TMEM50A: variants seen among roughly 807,000 people sequenced by gnomAD.
TMEM50A encodes the protein cervical cancer oncogene 9.
A neutral mutation model predicts 23.9 loss-of-function variants in TMEM50A; 8 were observed. That is an observed-to-expected ratio of 0.33 (90% CI 0.20 to 0.60). The LOEUF is 0.60. Among genes scored for constraint, TMEM50A ranks in the 20% least tolerant of loss-of-function variants. TMEM50A has a pLI of 0.81. For synonymous variants in TMEM50A, 55 were observed against 60.4 expected (o/e 0.91, Z 0.41); for missense variants, 178 against 192.7 (o/e 0.92, Z 0.45).
intron 5 of TMEM50A, among the ~76,000 whole-genome samples, chr1:25,355,973 T>G (rs1645329742): frequency 6.6e-6 from 1 of 152,202 alleles, no homozygotes; most frequent in Admixed American, 6.5e-5. Context: ...TCATGTTGAC[T>G]GTGCTGTAAA....
At chr1:25,342,279 G>C (rs1397507049) in intron 2 of TMEM50A, among the ~76,000 whole-genome samples, 1 of 152,152 alleles carries the variant, frequency 6.6e-6, no homozygotes, top group Non-Finnish European at 1.5e-5. Context: ...TAGGCTACTT[G>C]TCAGAATTTG....
chr1:25,348,128 G>A (rs926530915), intron 3 of TMEM50A, among the ~76,000 whole-genome samples: 17 of 152,150 alleles, frequency 1.1e-4, no homozygotes. Context: ...AATTATAGCA[G>A]AGCTGACTTC....
At chr1:25,360,274 G>A (rs528917167) in intron 6 of TMEM50A, among the ~76,000 whole-genome samples, 3 of 151,726 alleles carry the variant, frequency 2.0e-5, no homozygotes, top group South Asian at 2.1e-4. Context: ...GCATGAACCC[G>A]GGAGGCAGAG....
rs1328765971 is a variant in TMEM50A, at chr1:25,362,232, ATCT to A, written c.*1529_*1531del. On this transcript the variant is annotated 3_prime_UTR_variant, in exon 7 of 7. Transcript: ENST00000374358. ...CATGCTTTATTAAGCATGAGAAAGA[ATCT>A]TAAGAATTGTCAATAAAATTAACCC... 26 of 584,740 alleles carry A rather than the reference ATCT, an allele frequency of 4.4e-5. No homozygotes were observed. The highest frequency in any genetic ancestry group is 7.7e-5 in the Non-Finnish European group (26 of 338,734). The allele number at this position is 584,740 out of a possible 1,614,324, so 36.2% of individuals were successfully genotyped here.
intron 3 of TMEM50A, among the ~76,000 whole-genome samples, chr1:25,344,001 C>T (rs955161998): frequency 6.6e-6 from 1 of 152,118 alleles, no homozygotes; most frequent in Non-Finnish European, 1.5e-5. Flanking sequence ...AATTCCAGCA[C>T]TTTGGGATAC....
In TMEM50A at chr1:25,351,953, TAGGC is replaced by T. The variant is rs555285342; in HGVS notation, c.274+263_274+266del. ...AAAGAGGCCCTATCAGAATTCATTT[TAGGC>T]AGTCATGACTCCATTTATTTATAGC... On this transcript the variant is annotated intron_variant, in intron 4 of 6. Transcript: ENST00000374358. Among the ~76,000 whole-genome samples the T allele has an allele frequency of 7.9e-5, 12 of 152,366 alleles. No homozygotes were observed. In the South Asian group the frequency reaches 2.1e-3, roughly 26 times the overall value.
rs1645416134 is a variant in TMEM50A at position 25,362,115 on chromosome 1, A to G, written c.*1410A>G. The stretch of plus-strand genomic sequence containing the variant: ...CTTGTAAAACTGCTGGGAGAAAAGC[A>G]TGATTCCCACAAGGACTAAGTATCA... On this transcript the variant is annotated 3_prime_UTR_variant, in exon 7 of 7. Coordinates refer to ENST00000374358, the MANE Select transcript of TMEM50A (RefSeq NM_014313.4). The G allele has an allele frequency of 6.2e-6, 2 of 321,158 alleles. No homozygotes were observed. Among genetic ancestry groups the G allele is most frequent in the South Asian group, 6.0e-5 (2 of 33,456 alleles). 19.9% of individuals were successfully genotyped at this position (321,158 alleles called of 1,614,324 possible).
intron 6 of TMEM50A, among the ~76,000 whole-genome samples, chr1:25,360,385 A>G (rs1462375878): frequency 1.3e-5 from 2 of 152,108 alleles, no homozygotes; most frequent in East Asian, 3.8e-4. Flanking sequence ...TAATGGTTAC[A>G]TAGTAAACAC....
intron 5 of TMEM50A, among the ~76,000 whole-genome samples, chr1:25,354,090 C>G (rs1455750132): frequency 6.6e-6 from 1 of 152,106 alleles, no homozygotes; most frequent in Non-Finnish European, 1.5e-5. Context: ...CTCCCAGGCT[C>G]AAGCAATCCT....
At chr1:25,360,132 G>C (rs1362515886) in intron 6 of TMEM50A, among the ~76,000 whole-genome samples, 1 of 152,108 alleles carries the variant, frequency 6.6e-6, no homozygotes. Context: ...GGCGGATCAC[G>C]AGGTCAGGAG....
chr1:25,353,610 A>AT (rs1420851375), intron 5 of TMEM50A, among the ~76,000 whole-genome samples: 1 of 152,230 alleles, frequency 6.6e-6, no homozygotes, highest in Non-Finnish European at 1.5e-5. Context: ...CCCTGGTAAT[A>AT]TGATGTCACC....
rs757789611 is a variant in TMEM50A, at chr1:25,351,707, A to G, written c.274+14A>G. On this transcript the variant is annotated intron_variant, in intron 4 of 6. Transcript: ENST00000374358. ...TGGGTCAAACAGGTAAATAGGTGCA[A>G]ACAGCATCTTATTATACATGCTTAA... is the stretch of plus-strand genomic sequence containing the variant. 3.1e-6 allele frequency: 5 copies of G among 1,607,220 alleles called. No individual in the cohort carries two copies. The highest frequency in any genetic ancestry group is 4.2e-6 in the Non-Finnish European group (5 of 1,177,032).
chr1:25,356,989 T>A, intron 6 of TMEM50A, 136 bp downstream of exon 6: 1 of 635,776 alleles, frequency 1.6e-6, no homozygotes, highest in Non-Finnish European at 2.6e-6. Context: ...ACATGGAGAG[T>A]AAGGTTGAGA....
chr1:25,343,199 TCA>T (rs1645182378), intron 3 of TMEM50A, 126 bp downstream of exon 3: 1 of 706,038 alleles, frequency 1.4e-6, no homozygotes, highest in Non-Finnish European at 2.3e-6. Flanking sequence ...GATTTAAAAG[TCA>T]CACAGTAGAG....
At chr1:25,355,317 CAAAA>C (rs904342252) in intron 5 of TMEM50A, among the ~76,000 whole-genome samples, 1 of 147,642 alleles carries the variant, frequency 6.8e-6, no homozygotes, top group Non-Finnish European at 1.5e-5. Flanking sequence ...AAAATCAAAA[CAAAA>C]AAAAAGGAAA....
At chr1:25,340,806 G>A (rs1219253723) in intron 2 of TMEM50A, among the ~76,000 whole-genome samples, 2 of 152,116 alleles carry the variant, frequency 1.3e-5, no homozygotes, top group African/African-American at 4.8e-5. Context: ...GGTAAAAATG[G>A]CATAATAAAA....
chr1:25,347,804 T>A (rs1274324378), intron 3 of TMEM50A, among the ~76,000 whole-genome samples: 1 of 152,242 alleles, frequency 6.6e-6, no homozygotes, highest in African/African-American at 2.4e-5. Flanking sequence ...GTCTTTTTCT[T>A]TGAAGTTCAG....
In TMEM50A at chr1:25,352,967, T is replaced by TG; in HGVS notation, c.361dup (p.Ala121GlyfsTer2). 1 of 1,612,894 alleles carries TG rather than the reference T, an allele frequency of 6.2e-7. No individual in the cohort carries two copies. Among genetic ancestry groups the TG allele is most frequent in the Non-Finnish European group, 8.5e-7 (1 of 1,179,590 alleles). The stretch of plus-strand genomic sequence containing the variant: ...TGTGGATTCTTTTTGGAGGTTATGT[T>TG]GCTAAAGGTAAGAGAAAACATAGGT... On this transcript the variant is annotated frameshift_variant, in exon 5 of 7. Coordinates refer to ENST00000374358, the MANE Select transcript of TMEM50A (RefSeq NM_014313.4). LOFTEE classifies it high-confidence loss of function.
chr1:25,349,969 T>C (rs1645259680), intron 3 of TMEM50A, among the ~76,000 whole-genome samples: 1 of 152,256 alleles, frequency 6.6e-6, no homozygotes, highest in Non-Finnish European at 1.5e-5. Flanking sequence ...CCATGACATT[T>C]GGAATGTTTC....
Sources: allele counts gnomAD v4.1 joint callset (sites outside exome capture counted in the v4.1 genomes callset), GRCh38; gene constraint gnomAD v4.1.1; transcripts MANE v1.5; gene names NCBI Gene and HGNC (gene_info 2026-07-23, HGNC 2026-07-21).